Variants in SLC14A2 observed in about 807,000 individuals in gnomAD.
SLC14A2 encodes the protein urea transporter 2.
SLC14A2 carries 91 observed loss-of-function variants against 104.6 expected under a neutral mutation model. The ratio of observed to expected loss-of-function variants is 0.87; its 90% CI spans 0.73 to 1.04. The LOEUF (loss-of-function observed/expected upper bound fraction) is 1.04. Among genes scored for constraint, SLC14A2 ranks in the 50% least tolerant of loss-of-function variants. The pLI, the probability that SLC14A2 is intolerant of heterozygous loss-of-function variation, is 0.00. For missense variants in SLC14A2, 1,189 were observed against 1,156.0 expected (o/e 1.03, Z -0.41); for synonymous variants, 476 against 466.4 (o/e 1.02, Z -0.27).
chr18:45,264,653 C>A (rs998004643), intron 1 of SLC14A2, among the ~76,000 whole-genome samples: 1 of 152,030 alleles, frequency 6.6e-6, no homozygotes, highest in African/African-American at 2.4e-5. Context: ...TGAGAGACAA[C>A]CGGAAGGGGA....
intron 14 of SLC14A2, 69 bp from the exon 15 acceptor site, chr18:45,668,280 G>C: frequency 6.3e-7 from 1 of 1,583,486 alleles, no homozygotes; most frequent in Non-Finnish European, 8.6e-7. Context: ...AAAAGAATCT[G>C]ACTCAATAGG....
intron 1 of SLC14A2, among the ~76,000 whole-genome samples, chr18:45,316,557 C>CCGAT (rs565528099): frequency 5.2e-4 from 79 of 152,164 alleles, no homozygotes; most frequent in Admixed American, 2.2e-3. Flanking sequence ...ATCTGAGGAC[C>CCGAT]CGATATAAAG....
At chr18:45,595,068 C>T (rs867171126) in intron 2 of SLC14A2, among the ~76,000 whole-genome samples, 27 of 152,324 alleles carry the variant, frequency 1.8e-4, no homozygotes, top group South Asian at 4.1e-4. Flanking sequence ...ATTAACCACC[C>T]GGAAATCCAA....
intron 1 of SLC14A2, among the ~76,000 whole-genome samples, chr18:45,374,832 G>A (rs2085757267): frequency 6.6e-6 from 1 of 152,186 alleles, no homozygotes; most frequent in African/African-American, 2.4e-5. Flanking sequence ...CAAAGCAGAA[G>A]GATTAGGGAA....
chr18:45,523,216 A>G (rs2043541592), intron 2 of SLC14A2, among the ~76,000 whole-genome samples: 2 of 152,170 alleles, frequency 1.3e-5, no homozygotes, highest in Non-Finnish European at 2.9e-5. Context: ...CCCAGCCCCT[A>G]TGCTGAGTCT....
At chr18:45,327,127 CTT>C (rs944801956) in intron 1 of SLC14A2, among the ~76,000 whole-genome samples, 1 of 152,116 alleles carries the variant, frequency 6.6e-6, no homozygotes, top group African/African-American at 2.4e-5. Flanking sequence ...TAGCTCTCCT[CTT>C]AACAAAATAT....
intron 1 of SLC14A2, among the ~76,000 whole-genome samples, chr18:45,354,526 G>C (rs982780759): frequency 2.0e-5 from 3 of 152,232 alleles, no homozygotes; most frequent in African/African-American, 7.2e-5. Flanking sequence ...GTTCAGTGGA[G>C]CAGACAAGCT....
chr18:45,380,630 G>A (rs1246094180), intron 1 of SLC14A2, among the ~76,000 whole-genome samples: 1 of 152,118 alleles, frequency 6.6e-6, no homozygotes, highest in Non-Finnish European at 1.5e-5. Flanking sequence ...TGACACAGGG[G>A]CCTTGTTTTT....
intron 1 of SLC14A2, among the ~76,000 whole-genome samples, chr18:45,287,528 C>G (rs1389849464): frequency 6.6e-6 from 1 of 152,172 alleles, no homozygotes; most frequent in Admixed American, 6.5e-5. Context: ...AGTGGGGACT[C>G]TACTGGACTT....
chr18:45,561,124 C>T (rs577878806), intron 2 of SLC14A2, among the ~76,000 whole-genome samples: 10 of 152,144 alleles, frequency 6.6e-5, no homozygotes, highest in African/African-American at 1.9e-4. Context: ...GGATGAGCCA[C>T]GGGAGGCCAC....
intron 2 of SLC14A2, among the ~76,000 whole-genome samples, chr18:45,566,705 T>G (rs1217995811): frequency 1.3e-5 from 2 of 152,202 alleles, no homozygotes; most frequent in Admixed American, 1.3e-4. Flanking sequence ...CAGCTCTTGC[T>G]TCTCAATATT....
intron 17 of SLC14A2, 45 bp from the exon 18 acceptor site, chr18:45,673,638 C>T (rs1333455287): frequency 1.3e-6 from 2 of 1,594,362 alleles, no homozygotes; most frequent in Non-Finnish European, 1.7e-6. Flanking sequence ...CAGATGGGCC[C>T]CATAAGACCC....
intron 1 of SLC14A2, among the ~76,000 whole-genome samples, chr18:45,315,802 T>C (rs2085123709): frequency 2.0e-5 from 3 of 152,226 alleles, no homozygotes; most frequent in Admixed American, 2.0e-4. Flanking sequence ...TTGTAGCTGG[T>C]TTTCCCTAGA....
intron 2 of SLC14A2, among the ~76,000 whole-genome samples, chr18:45,571,715 C>T (rs1041764521): frequency 5.3e-5 from 8 of 152,152 alleles, no homozygotes; most frequent in African/African-American, 1.9e-4. Context: ...ATTATACCAG[C>T]CAAGATCACT....
intron 2 of SLC14A2, among the ~76,000 whole-genome samples, chr18:45,488,329 G>T (rs1335422456): frequency 2.0e-5 from 3 of 152,138 alleles, no homozygotes; most frequent in Non-Finnish European, 4.4e-5. Context: ...CAAATCCAGG[G>T]TTCTGCCCAA....
intron 1 of SLC14A2, among the ~76,000 whole-genome samples, chr18:45,245,638 C>T (rs912950970): frequency 3.9e-5 from 6 of 152,282 alleles, no homozygotes; most frequent in African/African-American, 1.2e-4. Context: ...CACCAAGTGG[C>T]CAAGTAGAGT....
intron 2 of SLC14A2, among the ~76,000 whole-genome samples, chr18:45,591,527 G>A (rs552049294): frequency 5.9e-5 from 9 of 152,148 alleles, no homozygotes; most frequent in Non-Finnish European, 1.3e-4. Context: ...AGTACAGACA[G>A]GGTTTCACCA....
chr18:45,343,023 A>C (rs1293485585), intron 1 of SLC14A2, among the ~76,000 whole-genome samples: 1 of 152,086 alleles, frequency 6.6e-6, no homozygotes, highest in Non-Finnish European at 1.5e-5. Context: ...AACCCTGATG[A>C]GTTGCCAAGA....
At chr18:45,373,407 G>A (rs956065724) in intron 1 of SLC14A2, among the ~76,000 whole-genome samples, 16 of 152,158 alleles carry the variant, frequency 1.1e-4, no homozygotes, top group African/African-American at 3.4e-4. Flanking sequence ...AACACTAGCT[G>A]CAGTTATTGC....
Sources: allele counts gnomAD v4.1 joint callset (sites outside exome capture counted in the v4.1 genomes callset), GRCh38; gene constraint gnomAD v4.1.1; transcripts MANE v1.5; gene names NCBI Gene and HGNC (gene_info 2026-07-23, HGNC 2026-07-21).